Variants in P2RY12 observed in about 807,000 individuals in gnomAD.
The protein encoded by P2RY12 is P2Y purinoceptor 12.
In P2RY12, 3 loss-of-function variants were observed where a neutral mutation model predicts 4.5. The observed-to-expected ratio is 0.67, with a 90% CI of 0.31 to 1.74. The LOEUF (loss-of-function observed/expected upper bound fraction) is 1.74, where lower values mean the gene tolerates loss of function less well. Among genes scored for constraint, P2RY12 ranks in the 40% most tolerant of loss-of-function variants. The pLI, the probability that P2RY12 is intolerant of heterozygous loss-of-function variation, is 0.09. For synonymous variants in P2RY12, 148 were observed against 154.1 expected, an observed-to-expected ratio of 0.96 and a Z score of 0.29; for missense variants, 356 against 407.8, an observed-to-expected ratio of 0.87 and a Z score of 1.09.
intron 1 of P2RY12, among the ~76,000 whole-genome samples, chr3:151,361,709 G>A (rs911418486): frequency 1.3e-5 from 2 of 152,110 alleles, no homozygotes; most frequent in Admixed American, 6.6e-5. Flanking sequence ...AAGTGTGAGA[G>A]ACAATATTCT....
chr3:151,375,885 A>T, intron 1 of P2RY12: 1 of 479,140 alleles, frequency 2.1e-6, no homozygotes, highest in Non-Finnish European at 3.3e-6. Flanking sequence ...AAATTTTTCT[A>T]CCTACTTTTT....
At chr3:151,370,251 T>C (rs1017205911) in intron 1 of P2RY12, among the ~76,000 whole-genome samples, 1 of 152,168 alleles carries the variant, frequency 6.6e-6, no homozygotes, top group Admixed American at 6.5e-5. Flanking sequence ...GATTAGGAAG[T>C]CTTCAAGTCA....
intron 1 of P2RY12, among the ~76,000 whole-genome samples, chr3:151,350,885 C>G: frequency 6.6e-6 from 1 of 152,132 alleles, no homozygotes. Context: ...TTGTAATTAT[C>G]CACTTCACGT....
intron 1 of P2RY12, among the ~76,000 whole-genome samples, chr3:151,364,173 A>G (rs1398785963): frequency 6.6e-6 from 1 of 152,174 alleles, no homozygotes; most frequent in African/African-American, 2.4e-5. Context: ...AAGTTTATAT[A>G]GAATCTGAGA....
At chr3:151,344,883 T>G (rs139147070) in intron 1 of P2RY12, among the ~76,000 whole-genome samples, 1 of 152,212 alleles carries the variant, frequency 6.6e-6, no homozygotes, top group Non-Finnish European at 1.5e-5. Context: ...CTGATCATCT[T>G]ACCATCATTA....
At chr3:151,343,874 T>C (rs918940371) in intron 1 of P2RY12, among the ~76,000 whole-genome samples, 1 of 152,196 alleles carries the variant, frequency 6.6e-6, no homozygotes, top group African/African-American at 2.4e-5. Context: ...GATAGAGATA[T>C]AATTATGACA....
At chr3:151,366,669 C>T (rs3975404) in intron 1 of P2RY12, among the ~76,000 whole-genome samples, 134,000 of 152,154 alleles carry the variant, frequency 0.88, 59,136 homozygotes, top group Middle Eastern at 0.95. Flanking sequence ...CTTTATACAT[C>T]TTTACACCTG....
At chr3:151,354,656 AAACTACTC>A (rs1753694319) in intron 1 of P2RY12, among the ~76,000 whole-genome samples, 1 of 152,200 alleles carries the variant, frequency 6.6e-6, no homozygotes, top group African/African-American at 2.4e-5. Flanking sequence ...TAAAATCTGG[AAACTACTC>A]ACTAGAATGG....
intron 1 of P2RY12, among the ~76,000 whole-genome samples, chr3:151,367,097 A>G (rs1470586111): frequency 8.3e-6 from 1 of 120,044 alleles, no homozygotes; most frequent in East Asian, 2.6e-4. Flanking sequence ...ACTGTGACTG[A>G]ATTAATTTCC....
intron 1 of P2RY12, among the ~76,000 whole-genome samples, chr3:151,382,233 A>G (rs906063990): frequency 1.1e-4 from 16 of 152,246 alleles, no homozygotes; most frequent in Admixed American, 9.8e-4. Context: ...CTTCTCTTCT[A>G]TAAAACATCA....
intron 1 of P2RY12, among the ~76,000 whole-genome samples, chr3:151,375,676 G>A (rs942879257): frequency 5.9e-5 from 9 of 152,042 alleles, no homozygotes; most frequent in African/African-American, 1.9e-4. Context: ...TATGAAGAAC[G>A]TATATCTGAT....
At chr3:151,348,572 TC>T (rs1286735541) in intron 1 of P2RY12, among the ~76,000 whole-genome samples, 1 of 150,204 alleles carries the variant, frequency 6.7e-6, no homozygotes, top group Non-Finnish European at 1.5e-5. Flanking sequence ...GCTCCTAGCT[TC>T]TTTTTTTTTT....
intron 1 of P2RY12, among the ~76,000 whole-genome samples, chr3:151,370,096 T>G (rs1005789320): frequency 6.6e-6 from 1 of 152,206 alleles, no homozygotes; most frequent in Non-Finnish European, 1.5e-5. Context: ...TTCACAATAA[T>G]TTTTTTCATT....
At chr3:151,381,684 G>A (rs1712378014) in intron 1 of P2RY12, among the ~76,000 whole-genome samples, 1 of 152,162 alleles carries the variant, frequency 6.6e-6, no homozygotes, top group South Asian at 2.1e-4. Context: ...GTATGCCATT[G>A]CCATGCCTCA....
At chr3:151,373,708 T>C (rs1027522214) in intron 1 of P2RY12, among the ~76,000 whole-genome samples, 6 of 152,296 alleles carry the variant, frequency 3.9e-5, no homozygotes, top group Admixed American at 3.9e-4. Flanking sequence ...GTTCAGACTG[T>C]CCCAGATTTG....
chr3:151,355,781 C>T (rs962121207), intron 1 of P2RY12: 16 of 827,686 alleles, frequency 1.9e-5, no homozygotes, highest in African/African-American at 7.0e-5. Flanking sequence ...TTTTGACTTT[C>T]GTCAAAGTAG....
intron 1 of P2RY12, chr3:151,384,308 T>C (rs535797788): frequency 3.1e-6 from 4 of 1,277,130 alleles, no homozygotes; most frequent in African/African-American, 3.0e-5. Context: ...TTAAATGTTA[T>C]TAATTGTATT....
intron 1 of P2RY12, among the ~76,000 whole-genome samples, chr3:151,373,139 G>C (rs1452883492): frequency 2.0e-5 from 3 of 151,968 alleles, no homozygotes; most frequent in Admixed American, 6.6e-5. Flanking sequence ...TTAGCTTTTG[G>C]TACAGTAATT....
intron 1 of P2RY12, chr3:151,384,331 A>G (rs912234521): frequency 1.4e-5 from 16 of 1,116,396 alleles, no homozygotes; most frequent in East Asian, 8.1e-5. Context: ...ACTTAATTTA[A>G]TGTGATTATT....
Sources: gnomAD v4.1 joint callset for allele counts (sites outside exome capture counted in the v4.1 genomes callset) on GRCh38, gnomAD v4.1.1 for gene constraint, MANE v1.5 for transcripts, NCBI Gene and HGNC (gene_info 2026-07-23, HGNC 2026-07-21) for gene names.